The following WWOX variants were observed in gnomAD, a reference collection of about 807,000 sequenced individuals.
WWOX encodes WW domain containing oxidoreductase.
Under a neutral mutation model 46.2 loss-of-function variants are expected in WWOX, and 69 were observed. The observed-to-expected ratio is 1.49, with a 90% CI of 1.23 to 1.82. WWOX has a LOEUF of 1.82. Among genes scored for constraint, WWOX ranks in the 40% most tolerant of loss-of-function variants. The pLI is 0.00. For synonymous variants in WWOX, 359 were observed against 202.6 expected (o/e 1.77, Z -6.56); for missense variants, 919 against 542.6 (o/e 1.69, Z -6.89).
At chr16:78,675,003 CT>C (rs1340362140) in intron 8 of WWOX, among the ~76,000 whole-genome samples, 11 of 152,180 alleles carry the variant, frequency 7.2e-5, no homozygotes, top group Admixed American at 5.2e-4. Flanking sequence ...GAAGAGTTAT[CT>C]TAAATATTTG....
chr16:79,020,324 G>A (rs1282325071), intron 8 of WWOX, among the ~76,000 whole-genome samples: 1 of 152,184 alleles, frequency 6.6e-6, no homozygotes, highest in African/African-American at 2.4e-5. Flanking sequence ...GGGGTTTTGT[G>A]ATCAAAACTA....
intron 6 of WWOX, among the ~76,000 whole-genome samples, chr16:78,391,287 A>C (rs2082169928): frequency 6.6e-6 from 1 of 152,184 alleles, no homozygotes; most frequent in Non-Finnish European, 1.5e-5. Context: ...TGTTTTATGC[A>C]AGGCAGTGTG....
chr16:78,541,184 G>A (rs572887452), intron 8 of WWOX, among the ~76,000 whole-genome samples: 18 of 152,162 alleles, frequency 1.2e-4, no homozygotes, highest in Admixed American at 8.5e-4. Context: ...TATAAAAATA[G>A]ACACGTACGG....
intron 8 of WWOX, among the ~76,000 whole-genome samples, chr16:78,687,729 A>G (rs775155897): frequency 2.0e-5 from 3 of 152,180 alleles, no homozygotes; most frequent in African/African-American, 4.8e-5. Context: ...TTTAGGCATT[A>G]TGTTATTCTA....
At chr16:78,664,726 C>A (rs1396017980) in intron 8 of WWOX, among the ~76,000 whole-genome samples, 1 of 152,136 alleles carries the variant, frequency 6.6e-6, no homozygotes, top group Non-Finnish European at 1.5e-5. Flanking sequence ...ATTATGTACT[C>A]CCTGAATTAG....
rs532103439 is a variant in WWOX at position 78,828,322 on chromosome 16, CTG to C, written c.1057-383285_1057-383284del. Among the ~76,000 whole-genome samples the C allele has an allele frequency of 1.4e-3, 220 of 152,214 alleles. 1 individual carries two copies. Among genetic ancestry groups the C allele is most frequent in the African/African-American group, 5.2e-3 (214 of 41,514 alleles). ...TGTTAATCCAGGGGCCAGGCAAAAA[CTG>C]GGGGATGCAGAATAGGAGGTTGGGC... On this transcript the variant is annotated intron_variant, in intron 8 of 8. Coordinates refer to ENST00000566780, the MANE Select transcript of WWOX (RefSeq NM_016373.4).
At chr16:78,903,609 A>C (rs1003621809) in intron 8 of WWOX, among the ~76,000 whole-genome samples, 1 of 152,124 alleles carries the variant, frequency 6.6e-6, no homozygotes, top group African/African-American at 2.4e-5. Flanking sequence ...GTTTCCTTTC[A>C]GTTTGGTTCT....
intron 4 of WWOX, among the ~76,000 whole-genome samples, chr16:78,159,671 G>GTTTTTTT (rs1343670783): frequency 8.9e-4 from 75 of 84,542 alleles, no homozygotes; most frequent in African/African-American, 1.1e-3. Context: ...TAAAATCTGT[G>GTTTTTTT]GTTTTTTTTT....
intron 6 of WWOX, among the ~76,000 whole-genome samples, chr16:78,415,359 G>C (rs928153904): frequency 3.3e-5 from 5 of 152,054 alleles, no homozygotes; most frequent in African/African-American, 1.2e-4. Context: ...CTTTGTTTTG[G>C]TGGGTTTTGG....
intron 8 of WWOX, among the ~76,000 whole-genome samples, chr16:78,635,130 C>T (rs1044932724): frequency 6.6e-6 from 1 of 152,134 alleles, no homozygotes; most frequent in African/African-American, 2.4e-5. Flanking sequence ...TCTAAATGTG[C>T]CTAATGCCAA....
intron 8 of WWOX, among the ~76,000 whole-genome samples, chr16:78,538,981 A>G (rs1418030594): frequency 6.6e-6 from 1 of 152,158 alleles, no homozygotes; most frequent in African/African-American, 2.4e-5. Context: ...ATGCCCTTTC[A>G]CAGCTGTGGG....
At chr16:78,646,410 C>T (rs1347130691) in intron 8 of WWOX, among the ~76,000 whole-genome samples, 2 of 152,058 alleles carry the variant, frequency 1.3e-5, no homozygotes, top group Non-Finnish European at 2.9e-5. Context: ...AGCCTCCTAA[C>T]ACTCAACGCA....
intron 8 of WWOX, among the ~76,000 whole-genome samples, chr16:79,142,747 G>T (rs2050113999): frequency 6.6e-6 from 1 of 152,022 alleles, no homozygotes; most frequent in Admixed American, 6.6e-5. Context: ...TCCCTAGGCG[G>T]GACTGCAGTG....
intron 8 of WWOX, among the ~76,000 whole-genome samples, chr16:78,645,139 C>G (rs1488082135): frequency 6.6e-6 from 1 of 152,134 alleles, no homozygotes; most frequent in Non-Finnish European, 1.5e-5. Context: ...CTTGCTGTTA[C>G]CAGAATCTGT....
intron 8 of WWOX, among the ~76,000 whole-genome samples, chr16:78,653,515 T>C (rs1197843958): frequency 6.6e-6 from 1 of 152,226 alleles, no homozygotes; most frequent in Non-Finnish European, 1.5e-5. Context: ...AGGGTGCTTA[T>C]GAGGAAGGTT....
chr16:78,859,000 TTAAAAAAAAA>T (rs1326549213), intron 8 of WWOX, among the ~76,000 whole-genome samples: 4,343 of 78,850 alleles, frequency 0.055, 190 homozygotes, highest in Non-Finnish European at 0.071. Flanking sequence ...GTTTTGAAAT[TTAAAAAAAAA>T]AAAAAAAAAA....
At chr16:78,602,101 C>T (rs112076120) in intron 8 of WWOX, among the ~76,000 whole-genome samples, 272 of 152,300 alleles carry the variant, frequency 1.8e-3, no homozygotes, top group African/African-American at 6.0e-3. Flanking sequence ...TTCTGTTGGG[C>T]TTATTACACG....
At chr16:78,569,754 T>C (rs2044666467) in intron 8 of WWOX, among the ~76,000 whole-genome samples, 1 of 152,234 alleles carries the variant, frequency 6.6e-6, no homozygotes, top group African/African-American at 2.4e-5. Flanking sequence ...AAAGTGCTTC[T>C]TCCTTATCTT....
intron 8 of WWOX, among the ~76,000 whole-genome samples, chr16:78,556,089 G>A (rs974865274): frequency 6.6e-6 from 1 of 152,042 alleles, no homozygotes; most frequent in Admixed American, 6.6e-5. Flanking sequence ...TTCATTCATT[G>A]TTCCATAGGT....
Sources: gnomAD v4.1 joint callset for allele counts (sites outside exome capture counted in the v4.1 genomes callset) on GRCh38, gnomAD v4.1.1 for gene constraint, MANE v1.5 for transcripts, NCBI Gene and HGNC (gene_info 2026-07-23, HGNC 2026-07-21) for gene names.